The following SYNRG variants were observed in gnomAD, a reference collection of about 807,000 sequenced individuals.
SYNRG encodes AP1 gamma subunit binding protein 1.
Under a neutral mutation model 130.9 loss-of-function variants are expected in SYNRG, and 37 were observed. The ratio of observed to expected loss-of-function variants is 0.28; its 90% CI spans 0.22 to 0.37. The LOEUF is 0.37. SYNRG is among the 10% of genes least tolerant of loss of function. The probability of loss-of-function intolerance (pLI) is 1.00; values close to 1 mark genes in which losing one functional copy is unlikely to be tolerated. For synonymous variants in SYNRG, 539 were observed against 568.1 expected (o/e 0.95, Z 0.73); for missense variants, 1,338 against 1,588.9 (o/e 0.84, Z 2.68).
At chr17:37,520,878 G>A (rs1295108657) in intron 19 of SYNRG, among the ~76,000 whole-genome samples, 1 of 152,142 alleles carries the variant, frequency 6.6e-6, no homozygotes, top group African/African-American at 2.4e-5. Flanking sequence ...CTCAGTCTCA[G>A]GTGGGCGCCA....
intron 11 of SYNRG, 42 bp from the exon 12 acceptor site, chr17:37,561,631 T>TC: frequency 7.2e-7 from 1 of 1,390,036 alleles, no homozygotes; most frequent in African/African-American, 1.4e-5. Context: ...ATTGAATCCC[T>TC]CCTTTATCAT....
At chr17:37,548,850 A>C (rs997287415) in intron 14 of SYNRG, among the ~76,000 whole-genome samples, 19 of 146,326 alleles carry the variant, frequency 1.3e-4, no homozygotes, top group African/African-American at 2.8e-4. Context: ...AAAACACACA[A>C]AAAAACGGGC....
In SYNRG at chr17:37,548,608, A is replaced by G. The variant is rs2158237; in HGVS notation, c.2608+4507T>C. Among the ~76,000 whole-genome samples the G allele has an allele frequency of 6.4e-3, 965 of 151,936 alleles. 6 individuals are homozygous for G. Among genetic ancestry groups the G allele is most frequent in the African/African-American group, 0.022 (916 of 41,426 alleles). ...CGAGGCAGGTGGATCACCTGAGGTC[A>G]GGAGTTTGACACCAGCCTGGCCAAC... On this transcript the variant is annotated intron_variant, in intron 14 of 21. Transcript: ENST00000612223.
chr17:37,525,706 A>T (rs561030274), intron 19 of SYNRG, among the ~76,000 whole-genome samples: 1 of 152,224 alleles, frequency 6.6e-6, no homozygotes, highest in Non-Finnish European at 1.5e-5. Flanking sequence ...GGTGGCTCAC[A>T]CCTGTAATCT....
intron 8 of SYNRG, among the ~76,000 whole-genome samples, chr17:37,574,081 A>T (rs2060632526): frequency 6.6e-6 from 1 of 152,212 alleles, no homozygotes. Flanking sequence ...CCAATGGAAC[A>T]GAATAGAGAA....
At chr17:37,538,501 C>A (rs370439349) in intron 17 of SYNRG, 81 bp from the exon 18 acceptor site, 1 of 987,050 alleles carries the variant, frequency 1.0e-6, no homozygotes, top group Non-Finnish European at 1.5e-6. Context: ...GAAAACCCAA[C>A]CGAAAAGCCA....
intron 4 of SYNRG, 131 bp downstream of exon 4, chr17:37,586,288 C>A: frequency 6.0e-6 from 8 of 1,335,602 alleles, no homozygotes; most frequent in Non-Finnish European, 6.0e-6. Context: ...ACCACTGGGC[C>A]AGGCCTTAAG....
intron 6 of SYNRG, among the ~76,000 whole-genome samples, chr17:37,581,274 C>CTATTATTAT (rs34565960): frequency 4.0e-5 from 6 of 149,522 alleles, no homozygotes; most frequent in South Asian, 4.2e-4. Context: ...ATTATTATTA[C>CTATTATTAT]TATTATTATT....
At chr17:37,595,856 G>A (rs1249080574) in intron 3 of SYNRG, among the ~76,000 whole-genome samples, 3 of 151,380 alleles carry the variant, frequency 2.0e-5, no homozygotes, top group Non-Finnish European at 4.4e-5. Flanking sequence ...TCGGGTTTAA[G>A]GGATTGTCCT....
chr17:37,579,955 ACTGT>A (rs2061161432), intron 6 of SYNRG, among the ~76,000 whole-genome samples: 1 of 151,604 alleles, frequency 6.6e-6, no homozygotes, highest in Non-Finnish European at 1.5e-5. Context: ...CCTGGCCTTG[ACTGT>A]CTTTCTTTTA....
Position 37,536,145 on chromosome 17 carries a change from CAG to C in SYNRG, c.3518-20_3518-19del, listed in dbSNP as rs776100401. The C allele has an allele frequency of 6.9e-6, 11 of 1,597,576 alleles. No individual in the cohort carries two copies. The Admixed American group carries it at 7.1e-5, about 10-fold the overall frequency. On this transcript the variant is annotated intron_variant, in intron 18 of 21. Coordinates refer to ENST00000612223, the MANE Select transcript of SYNRG (RefSeq NM_007247.6). Reference sequence around the variant, plus strand: ...AACAACACCTGACGGGATGAGAGAGCAGAGAGAGAGTGTTGGCAGTGGAGACA... The same window carrying C: ...AACAACACCTGACGGGATGAGAGAGCAGAGAGAGTGTTGGCAGTGGAGACA...
chr17:37,553,441 T>C lies in SYNRG; in HGVS notation c.2282A>G (p.Glu761Gly). Residue 761 changes from glutamate (E) to glycine (G), a missense_variant, in exon 14 of 22, where the codon GAA becomes GGA. Glu to Gly is a moderately conservative substitution (Grantham distance 98, BLOSUM62 -2). Transcript: ENST00000612223. ...TGAAGGAGTGTTATCTTTCAGGTCTTCAACACCTAGTCCAGACCCTTCCAG... is the reference window on the plus strand; with the variant it reads ...TGAAGGAGTGTTATCTTTCAGGTCTCCAACACCTAGTCCAGACCCTTCCAG... ...LSLEGSGLGV[E>G]DLKDNTPSGK... 3 of 1,614,228 alleles carry C rather than the reference T, an allele frequency of 1.9e-6. No homozygotes were observed. The highest frequency in any genetic ancestry group is 2.5e-6 in the Non-Finnish European group (3 of 1,180,032).
chr17:37,520,683 C>T (rs765674466), intron 19 of SYNRG, 35 bp from the exon 20 acceptor site: 2 of 1,550,186 alleles, frequency 1.3e-6, no homozygotes, highest in South Asian at 1.1e-5. Context: ...GTAAGAAGTC[C>T]ACAAGTCCAC....
chr17:37,561,422 T>C (rs775102023), intron 12 of SYNRG, 49 bp downstream of exon 12: 20 of 1,506,738 alleles, frequency 1.3e-5, no homozygotes, highest in East Asian at 6.8e-5. Context: ...ACAATTTAAA[T>C]AGTATGCAAT....
intron 1 of SYNRG, among the ~76,000 whole-genome samples, chr17:37,607,259 T>C (rs1463017576): frequency 1.3e-5 from 2 of 152,208 alleles, no homozygotes; most frequent in Non-Finnish European, 2.9e-5. Flanking sequence ...TAAAAATTTG[T>C]GTCCATGGAC....
intron 14 of SYNRG, among the ~76,000 whole-genome samples, chr17:37,546,264 C>T (rs1281677382): frequency 1.3e-5 from 2 of 151,920 alleles, no homozygotes; most frequent in Non-Finnish European, 2.9e-5. Flanking sequence ...CTGAAAATTG[C>T]AAGAGAAAAA....
intron 14 of SYNRG, among the ~76,000 whole-genome samples, chr17:37,549,330 CT>C (rs983586204): frequency 2.0e-5 from 3 of 152,022 alleles, no homozygotes; most frequent in Non-Finnish European, 4.4e-5. Flanking sequence ...GGTTTTTTTA[CT>C]GTTACCATAC....
Position 37,600,363 on chromosome 17 carries a change from C to CT in SYNRG, c.117dup (p.Ala40SerfsTer20). ...GTTCAAAACTTAAGCTCTCACATAC[C>CT]TTGAGGGGGTCTTATCCCACCTGCA... On this transcript the variant is annotated frameshift_variant and splice_region_variant, in exon 2 of 22. Coordinates refer to ENST00000612223, the MANE Select transcript of SYNRG (RefSeq NM_007247.6). LOFTEE classifies it high-confidence loss of function. The CT allele has an allele frequency of 6.2e-7, 1 of 1,610,464 alleles. No homozygotes were observed. The highest frequency in any genetic ancestry group is 8.5e-7 in the Non-Finnish European group (1 of 1,178,916).
In SYNRG at chr17:37,518,915, A is replaced by G. The variant is rs79333432; in HGVS notation, c.*25T>C. 2 of 1,605,078 alleles carry G rather than the reference A, an allele frequency of 1.2e-6. No homozygotes were observed. The highest frequency in any genetic ancestry group is 1.3e-5 in the African/African-American group (1 of 74,462). On this transcript the variant is annotated 3_prime_UTR_variant, in exon 22 of 22. Transcript: ENST00000612223. ...CCGTGGGGTGTCACAGAAAAAAAAA[A>G]GTCAATGCTTCACAGAGGAGTTGTT...
Sources: allele counts gnomAD v4.1 joint callset (sites outside exome capture counted in the v4.1 genomes callset), GRCh38; gene constraint gnomAD v4.1.1; transcripts MANE v1.5; gene names NCBI Gene and HGNC (gene_info 2026-07-23, HGNC 2026-07-21).